HPSE2: variants seen among roughly 807,000 people sequenced by gnomAD.
The protein encoded by HPSE2 is heparanase 2 (inactive), also known as inactive heparanase-2.
Under a neutral mutation model 60.5 loss-of-function variants are expected in HPSE2, and 38 were observed. That is an observed-to-expected ratio of 0.63 (90% confidence interval 0.48 to 0.82). The LOEUF (loss-of-function observed/expected upper bound fraction) is 0.82, where lower values mean the gene tolerates loss of function less well. Among genes scored for constraint, HPSE2 ranks in the 40% least tolerant of loss-of-function variants. The pLI is 0.00. For synonymous variants in HPSE2, 295 were observed against 293.2 expected (o/e 1.01, Z -0.06); for missense variants, 713 against 740.4 (o/e 0.96, Z 0.43).
intron 2 of HPSE2, among the ~76,000 whole-genome samples, chr10:99,174,332 T>C (rs1480861970): frequency 1.3e-5 from 2 of 152,202 alleles, no homozygotes; most frequent in Non-Finnish European, 2.9e-5. Context: ...GAAAATTTTG[T>C]CATATTTCTC....
chr10:99,040,608 TTA>T (rs1487830210), intron 3 of HPSE2, among the ~76,000 whole-genome samples: 6 of 152,278 alleles, frequency 3.9e-5, no homozygotes, highest in Admixed American at 3.3e-4. Flanking sequence ...TGCCGCTCAT[TTA>T]TGTCATTATT....
At chr10:98,743,536 T>C (rs925301453) in intron 4 of HPSE2, among the ~76,000 whole-genome samples, 2 of 152,226 alleles carry the variant, frequency 1.3e-5, no homozygotes, top group South Asian at 2.1e-4. Flanking sequence ...GTAGGACCAA[T>C]GTTCCACAGA....
intron 3 of HPSE2, among the ~76,000 whole-genome samples, chr10:98,904,353 A>G (rs1380407814): frequency 6.6e-6 from 1 of 152,200 alleles, no homozygotes; most frequent in African/African-American, 2.4e-5. Flanking sequence ...GTTGGAAGAG[A>G]CAAAGGCCAA....
intron 3 of HPSE2, among the ~76,000 whole-genome samples, chr10:98,828,886 G>A (rs143224280): frequency 2.8e-3 from 433 of 152,218 alleles, no homozygotes; most frequent in Admixed American, 4.4e-3. Context: ...GCAGGAACAT[G>A]AACAGGTATT....
chr10:98,603,389 G>C (rs1330927330), intron 9 of HPSE2, among the ~76,000 whole-genome samples: 1 of 151,882 alleles, frequency 6.6e-6, no homozygotes, highest in Non-Finnish European at 1.5e-5. Flanking sequence ...TTCAGTAGGG[G>C]TAAGGGGAAA....
intron 9 of HPSE2, among the ~76,000 whole-genome samples, chr10:98,612,907 T>C (rs1422580000): frequency 1.3e-5 from 2 of 152,182 alleles, no homozygotes; most frequent in African/African-American, 4.8e-5. Context: ...CCTGCCTACC[T>C]CATTTCCAAC....
chr10:98,688,857 A>C (rs1288052114), intron 6 of HPSE2, among the ~76,000 whole-genome samples: 3 of 151,944 alleles, frequency 2.0e-5, no homozygotes, highest in East Asian at 3.9e-4. Flanking sequence ...TTTTTGAAGA[A>C]TATTTTTGCT....
intron 9 of HPSE2, among the ~76,000 whole-genome samples, chr10:98,567,958 C>T (rs1340729667): frequency 6.6e-6 from 1 of 152,166 alleles, no homozygotes; most frequent in Non-Finnish European, 1.5e-5. Context: ...AAAAATCACA[C>T]ATCTGGGATC....
At chr10:98,831,511 A>G (rs1476366515) in intron 3 of HPSE2, among the ~76,000 whole-genome samples, 1 of 152,212 alleles carries the variant, frequency 6.6e-6, no homozygotes, top group African/African-American at 2.4e-5. Context: ...CAAGCTAATA[A>G]AGTAATACAC....
chr10:98,912,444 A>T (rs2135026398), intron 3 of HPSE2, among the ~76,000 whole-genome samples: 1 of 152,362 alleles, frequency 6.6e-6, no homozygotes, highest in Middle Eastern at 3.4e-3. Context: ...ACTGCTGGGC[A>T]TATACCCAAA....
chr10:99,018,939 G>T (rs1957201800), intron 3 of HPSE2, among the ~76,000 whole-genome samples: 1 of 152,168 alleles, frequency 6.6e-6, no homozygotes, highest in Non-Finnish European at 1.5e-5. Context: ...AAATTTCAAA[G>T]AAATGCACAT....
At chr10:99,035,232 G>C (rs1358527262) in intron 3 of HPSE2, among the ~76,000 whole-genome samples, 1 of 152,136 alleles carries the variant, frequency 6.6e-6, no homozygotes, top group Non-Finnish European at 1.5e-5. Flanking sequence ...TACAAAAAAT[G>C]TGTTGTTAAA....
At chr10:98,999,001 A>G (rs1215121645) in intron 3 of HPSE2, among the ~76,000 whole-genome samples, 2 of 152,204 alleles carry the variant, frequency 1.3e-5, no homozygotes, top group Non-Finnish European at 2.9e-5. Context: ...CTTGGATCCA[A>G]GTATATGGGT....
rs1300328098 is a variant in HPSE2 at position 99,144,230 on chromosome 10, A to C, written c.610+8T>G. ...CTCTAAGATTTCAACCAACTCCAAT[A>C]GCCTTACCTGTTAATATGAGATTAC... On this transcript the variant is annotated splice_region_variant and intron_variant, in intron 3 of 11. Transcript: ENST00000370552. The C allele has an allele frequency of 6.2e-7, 1 of 1,613,582 alleles. No individual in the cohort carries two copies. Among genetic ancestry groups the C allele is most frequent in the Admixed American group, 1.7e-5 (1 of 60,022 alleles).
intron 3 of HPSE2, among the ~76,000 whole-genome samples, chr10:99,097,947 A>C (rs1843778046): frequency 6.6e-6 from 1 of 152,198 alleles, no homozygotes; most frequent in Non-Finnish European, 1.5e-5. Context: ...CAAGACTCTG[A>C]TGTGGCTAGG....
intron 3 of HPSE2, among the ~76,000 whole-genome samples, chr10:99,107,084 T>C (rs748844154): frequency 1.3e-5 from 2 of 152,178 alleles, no homozygotes; most frequent in Non-Finnish European, 2.9e-5. Context: ...TTGGCTGGGC[T>C]GGTCTTAAAC....
chr10:98,721,650 G>C lies in HPSE2; in HGVS notation c.956+7C>G. On this transcript the variant is annotated splice_region_variant and intron_variant, in intron 5 of 11. Transcript: ENST00000370552. ...TGTCATAAGAAAAGCTAAATAATCT[G>C]ACCTACCCATCTAGGAGGGCGATGA... The C allele has an allele frequency of 1.2e-6, 2 of 1,612,552 alleles. No individual in the cohort carries two copies. Among genetic ancestry groups the C allele is most frequent in the Non-Finnish European group, 1.7e-6 (2 of 1,179,274 alleles).
At chr10:98,945,190 T>A (rs1369590258) in intron 3 of HPSE2, among the ~76,000 whole-genome samples, 1 of 152,190 alleles carries the variant, frequency 6.6e-6, no homozygotes, top group African/African-American at 2.4e-5. Flanking sequence ...GAATTTACTT[T>A]GGCTGGATTT....
At chr10:99,309,678 A>T in the HPSE2 span, among the ~76,000 whole-genome samples, 1 of 152,218 alleles carries the variant, frequency 6.6e-6, no homozygotes, top group Non-Finnish European at 1.5e-5. Context: ...AGTATCTGCC[A>T]CAAGTCCATA....
Sources: allele counts gnomAD v4.1 joint callset (sites outside exome capture counted in the v4.1 genomes callset), GRCh38; gene constraint gnomAD v4.1.1; transcripts MANE v1.5; gene names NCBI Gene and HGNC (gene_info 2026-07-23, HGNC 2026-07-21).